Variants in KIAA1328 observed in about 807,000 individuals in gnomAD.
The protein encoded by KIAA1328 is protein hinderin.
KIAA1328 carries 52 observed loss-of-function variants against 68.1 expected under a neutral mutation model. That is an observed-to-expected ratio of 0.76 (90% CI 0.61 to 0.96). KIAA1328 has a LOEUF of 0.96. Ranked by LOEUF, KIAA1328 falls within the 40% of genes least tolerant of loss-of-function variation. The probability of loss-of-function intolerance (pLI) is 0.00; values close to 1 mark genes in which losing one functional copy is unlikely to be tolerated. For synonymous variants in KIAA1328, 232 were observed against 239.4 expected (o/e 0.97, Z 0.28); for missense variants, 641 against 677.6 (o/e 0.95, Z 0.60).
chr18:36,978,737 T>C (rs1272951281), intron 6 of KIAA1328, among the ~76,000 whole-genome samples: 1 of 152,234 alleles, frequency 6.6e-6, no homozygotes, highest in Non-Finnish European at 1.5e-5. Flanking sequence ...TTCCTATTTC[T>C]CCTTGCCACA....
chr18:37,221,426 T>TG (rs2060560723), intron 9 of KIAA1328, among the ~76,000 whole-genome samples: 1 of 152,192 alleles, frequency 6.6e-6, no homozygotes, highest in Admixed American at 6.5e-5. Context: ...AGCTTGCAAA[T>TG]GGTAGAACAG....
rs2057058046 is a variant in KIAA1328 at position 37,084,911 on chromosome 18, A to T, written c.1232+17366A>T. 2.0e-5 allele frequency among the ~76,000 whole-genome samples: 3 copies of T among 152,076 alleles called. No individual in the cohort carries two copies. The South Asian group carries it at 6.2e-4, about 31-fold the overall frequency. ...AATCTGGATCCTGGAGCTAAAGGGT[A>T]GGCCTTGAACCTGGGTCCTGGATCC... On this transcript the variant is annotated intron_variant, in intron 7 of 9. Coordinates refer to ENST00000280020, the MANE Select transcript of KIAA1328 (RefSeq NM_020776.3).
intron 8 of KIAA1328, among the ~76,000 whole-genome samples, chr18:37,165,354 T>G (rs1465441724): frequency 6.6e-6 from 1 of 152,090 alleles, no homozygotes; most frequent in Non-Finnish European, 1.5e-5. Context: ...AAGGAAAAGA[T>G]AGTCTTTCAC....
intron 7 of KIAA1328, among the ~76,000 whole-genome samples, chr18:37,142,954 T>TC (rs1363767582): frequency 9.6e-4 from 144 of 150,432 alleles, no homozygotes; most frequent in African/African-American, 3.5e-3. Flanking sequence ...TTTTTTTTTT[T>TC]GTTTTTTTTT....
chr18:37,090,723 T>A (rs931792968), intron 7 of KIAA1328, among the ~76,000 whole-genome samples: 1 of 152,176 alleles, frequency 6.6e-6, no homozygotes, highest in African/African-American at 2.4e-5. Context: ...TTTAGGACAT[T>A]TTTTTGGAAG....
intron 5 of KIAA1328, among the ~76,000 whole-genome samples, chr18:36,938,286 T>C (rs1026034769): frequency 6.6e-6 from 1 of 152,202 alleles, no homozygotes. Context: ...TTTTTGGTAA[T>C]AGCCATTCTG....
At chr18:37,205,465 C>T (rs2060199628) in intron 9 of KIAA1328, among the ~76,000 whole-genome samples, 1 of 152,168 alleles carries the variant, frequency 6.6e-6, no homozygotes, top group Non-Finnish European at 1.5e-5. Flanking sequence ...AATTTCTGTC[C>T]TGCCATCAGA....
chr18:36,850,358 T>C (rs1463289864), intron 4 of KIAA1328, among the ~76,000 whole-genome samples: 1 of 152,138 alleles, frequency 6.6e-6, no homozygotes, highest in Non-Finnish European at 1.5e-5. Flanking sequence ...CTGAATTTGT[T>C]AATAAGCTGT....
At chr18:36,906,030 C>G (rs2049208690) in intron 5 of KIAA1328, among the ~76,000 whole-genome samples, 2 of 152,140 alleles carry the variant, frequency 1.3e-5, no homozygotes, top group African/African-American at 4.8e-5. Flanking sequence ...TTATAAACTA[C>G]AGTGCTAATG....
intron 5 of KIAA1328, among the ~76,000 whole-genome samples, chr18:36,888,130 G>T (rs1283335757): frequency 6.6e-6 from 1 of 152,130 alleles, no homozygotes. Flanking sequence ...CTAGGTGATT[G>T]CAGTGACACT....
chr18:36,847,826 G>A (rs1263719009), intron 4 of KIAA1328, among the ~76,000 whole-genome samples: 4 of 151,394 alleles, frequency 2.6e-5, no homozygotes, highest in Non-Finnish European at 5.9e-5. Context: ...AAATTGCAAA[G>A]GTTGTTTTTC....
intron 6 of KIAA1328, among the ~76,000 whole-genome samples, chr18:37,057,694 C>A (rs548475363): frequency 1.3e-5 from 2 of 152,142 alleles, no homozygotes; most frequent in African/African-American, 4.8e-5. Context: ...CTCGGCCTCC[C>A]AAAGTGCTGG....
At chr18:36,830,663 A>C (rs2046450693) in intron 1 of KIAA1328, among the ~76,000 whole-genome samples, 1 of 152,176 alleles carries the variant, frequency 6.6e-6, no homozygotes, top group Non-Finnish European at 1.5e-5. Flanking sequence ...TGGTCTTCGC[A>C]CCCAGTACTT....
chr18:37,109,554 C>G (rs2057870635), intron 7 of KIAA1328, among the ~76,000 whole-genome samples: 5 of 151,938 alleles, frequency 3.3e-5, no homozygotes. Flanking sequence ...TGACTGCATT[C>G]TTTTTTCCTA....
At position 37,223,221 on chromosome 18, in the gene KIAA1328, G is replaced by C; in HGVS notation, c.*994G>C. The C allele has an allele frequency of 1.0e-6, 1 of 985,268 alleles. No homozygotes were observed. The highest frequency in any genetic ancestry group is 1.2e-6 in the Non-Finnish European group (1 of 829,936). The allele number at this position is 985,268 out of a possible 1,614,324, so 61.0% of individuals were successfully genotyped here. ...GGATACAAGCTGACCAGGCCTCACA[G>C]GTGCTCTGCTCGTGGCCCCAAAGAA... is the stretch of plus-strand genomic sequence containing the variant. On this transcript the variant is annotated 3_prime_UTR_variant, in exon 10 of 10. Transcript: ENST00000280020.
chr18:36,920,501 C>G (rs1598715830), intron 5 of KIAA1328, among the ~76,000 whole-genome samples: 1 of 152,024 alleles, frequency 6.6e-6, no homozygotes, highest in Non-Finnish European at 1.5e-5. Flanking sequence ...TCTGGTTTTG[C>G]TCTTTTTGCT....
At chr18:37,057,454 G>T (rs2055958426) in intron 6 of KIAA1328, among the ~76,000 whole-genome samples, 1 of 145,522 alleles carries the variant, frequency 6.9e-6, no homozygotes, top group Non-Finnish European at 1.5e-5. Context: ...TTGAGACACA[G>T]TCTCACTCTG....
intron 8 of KIAA1328, among the ~76,000 whole-genome samples, chr18:37,169,229 G>A (rs563768903): frequency 1.3e-5 from 2 of 150,840 alleles, no homozygotes; most frequent in Admixed American, 1.3e-4. Context: ...GCAGTGGCAC[G>A]ATCTCGGCTC....
intron 5 of KIAA1328, among the ~76,000 whole-genome samples, chr18:36,939,293 A>G (rs565546263): frequency 5.9e-5 from 9 of 152,312 alleles, no homozygotes; most frequent in African/African-American, 2.2e-4. Flanking sequence ...TTGGTATAAC[A>G]GATATTTCAC....
Sources: gnomAD v4.1 joint callset for allele counts (sites outside exome capture counted in the v4.1 genomes callset) on GRCh38, gnomAD v4.1.1 for gene constraint, MANE v1.5 for transcripts, NCBI Gene and HGNC (gene_info 2026-07-23, HGNC 2026-07-21) for gene names.